The following CDH4 variants were observed in gnomAD, a reference collection of about 807,000 sequenced individuals.
The protein encoded by CDH4 is cadherin-4.
Under a neutral mutation model 86.0 loss-of-function variants are expected in CDH4, and 33 were observed. The ratio of observed to expected loss-of-function variants is 0.38; its 90% confidence interval spans 0.29 to 0.51. The LOEUF is 0.51. CDH4 is among the 20% of genes least tolerant of loss of function. The pLI is 0.86. For missense variants in CDH4, 1,114 were observed against 1,307.4 expected (o/e 0.85, Z 2.28); for synonymous variants, 555 against 549.4 (o/e 1.01, Z -0.14).
chr20:61,848,014 T>C (rs1202371549), intron 5 of CDH4, among the ~76,000 whole-genome samples: 2 of 152,242 alleles, frequency 1.3e-5, no homozygotes, highest in African/African-American at 4.8e-5. Context: ...CACACCTCCA[T>C]TCGTCTGTTT....
intron 2 of CDH4, among the ~76,000 whole-genome samples, chr20:61,489,135 G>A (rs991928095): frequency 1.3e-5 from 2 of 152,070 alleles, no homozygotes; most frequent in Non-Finnish European, 2.9e-5. Flanking sequence ...TCACTAACAC[G>A]AGTCGCCTCT....
intron 11 of CDH4, among the ~76,000 whole-genome samples, chr20:61,925,403 A>G (rs1194434033): frequency 6.6e-6 from 1 of 152,210 alleles, no homozygotes; most frequent in African/African-American, 2.4e-5. Context: ...TCTGTGCCTC[A>G]GTTTCCTCCT....
At chr20:61,511,823 T>G (rs2085782394) in intron 2 of CDH4, among the ~76,000 whole-genome samples, 1 of 152,198 alleles carries the variant, frequency 6.6e-6, no homozygotes, top group South Asian at 2.1e-4. Context: ...CAGCATTGAT[T>G]TCCTGCTCTG....
At chr20:61,535,615 C>T (rs2085990412) in intron 2 of CDH4, among the ~76,000 whole-genome samples, 3 of 152,158 alleles carry the variant, frequency 2.0e-5, no homozygotes, top group Non-Finnish European at 4.4e-5. Context: ...AACGCGGGGG[C>T]CTTCTTCAAA....
intron 2 of CDH4, among the ~76,000 whole-genome samples, chr20:61,615,395 G>A (rs1262607662): frequency 6.6e-6 from 1 of 152,136 alleles, no homozygotes; most frequent in Admixed American, 6.6e-5. Context: ...GTGCTGGGAT[G>A]ACAGGCATGA....
chr20:61,577,856 T>C (rs895559606), intron 2 of CDH4, among the ~76,000 whole-genome samples: 7 of 152,310 alleles, frequency 4.6e-5, no homozygotes, highest in Non-Finnish European at 8.8e-5. Flanking sequence ...CCTGGCTCCC[T>C]GCCTGTGGAT....
At chr20:61,887,937 C>T (rs996152122) in intron 7 of CDH4, among the ~76,000 whole-genome samples, 1 of 152,298 alleles carries the variant, frequency 6.6e-6, no homozygotes, top group African/African-American at 2.4e-5. Context: ...CAGTGGGGCA[C>T]CTCCTGAGGG....
intron 4 of CDH4, among the ~76,000 whole-genome samples, chr20:61,802,687 G>A (rs1010079139): frequency 6.6e-6 from 1 of 152,226 alleles, no homozygotes; most frequent in African/African-American, 2.4e-5. Context: ...AAGGCAGAGC[G>A]CAGCCCTGGG....
intron 2 of CDH4, among the ~76,000 whole-genome samples, chr20:61,378,029 G>A (rs1350293520): frequency 1.3e-5 from 2 of 152,206 alleles, no homozygotes; most frequent in East Asian, 1.9e-4. Flanking sequence ...CGAGGTGGGC[G>A]ATCGCTTGAG....
At chr20:61,656,295 G>A (rs112579102) in intron 2 of CDH4, among the ~76,000 whole-genome samples, 2 of 114,578 alleles carry the variant, frequency 1.7e-5, no homozygotes, top group East Asian at 2.8e-4. Context: ...GCGCGTGCTG[G>A]GGTGGGTAGG....
intron 2 of CDH4, among the ~76,000 whole-genome samples, chr20:61,696,374 G>T (rs924085380): frequency 6.6e-6 from 1 of 152,242 alleles, no homozygotes; most frequent in East Asian, 1.9e-4. Flanking sequence ...TGGGAGGCAG[G>T]TGCAGCACCC....
intron 2 of CDH4, among the ~76,000 whole-genome samples, chr20:61,699,524 C>G (rs1345423698): frequency 2.2e-5 from 3 of 137,806 alleles, no homozygotes; most frequent in Non-Finnish European, 5.1e-5. Context: ...CTTTCTGGCT[C>G]TCCGAGTTGT....
intron 6 of CDH4, among the ~76,000 whole-genome samples, chr20:61,868,605 G>A (rs1983653421): frequency 6.6e-6 from 1 of 152,058 alleles, no homozygotes; most frequent in Non-Finnish European, 1.5e-5. Context: ...CTGGGCAGAT[G>A]TCCCCTCCAC....
chr20:61,537,931 C>T (rs1472868610), intron 2 of CDH4, among the ~76,000 whole-genome samples: 1 of 152,180 alleles, frequency 6.6e-6, no homozygotes, highest in African/African-American at 2.4e-5. Flanking sequence ...GTGTCTGCAT[C>T]CCTGGGAACT....
At chr20:61,346,893 G>A (rs1262241607) in intron 2 of CDH4, among the ~76,000 whole-genome samples, 6 of 152,042 alleles carry the variant, frequency 3.9e-5, no homozygotes, top group Admixed American at 1.3e-4. Context: ...CTCCACGTAC[G>A]GGTGCCCCCC....
chr20:61,900,114 G>A (rs1015952763), intron 8 of CDH4, among the ~76,000 whole-genome samples: 5 of 152,210 alleles, frequency 3.3e-5, no homozygotes, highest in Non-Finnish European at 7.3e-5. Flanking sequence ...CCTCAGCGGG[G>A]GGGACTGGCT....
intron 8 of CDH4, among the ~76,000 whole-genome samples, chr20:61,903,340 G>A (rs1359747040): frequency 6.6e-6 from 1 of 152,036 alleles, no homozygotes; most frequent in Admixed American, 6.5e-5. Flanking sequence ...GAGGTCAGGA[G>A]TTCAAGATCA....
At chr20:61,430,732 C>G (rs2085241915) in intron 2 of CDH4, among the ~76,000 whole-genome samples, 1 of 152,240 alleles carries the variant, frequency 6.6e-6, no homozygotes, top group South Asian at 2.1e-4. Context: ...AGCTGCTCCA[C>G]ACGCATTACA....
chr20:61,279,404 G>A (rs535657234), intron 2 of CDH4, among the ~76,000 whole-genome samples: 2 of 152,240 alleles, frequency 1.3e-5, no homozygotes, highest in African/African-American at 2.4e-5. Context: ...GGGCCTGGCA[G>A]CCCCTGCGTC....
Sources: gnomAD v4.1 joint callset for allele counts (sites outside exome capture counted in the v4.1 genomes callset) on GRCh38, gnomAD v4.1.1 for gene constraint, MANE v1.5 for transcripts, NCBI Gene and HGNC (gene_info 2026-07-23, HGNC 2026-07-21) for gene names.